UNC80: variants seen among roughly 807,000 people sequenced by gnomAD.
The protein encoded by UNC80 is unc-80 subunit of NALCN channel complex, also known as protein unc-80 homolog.
Under a neutral mutation model 384.6 loss-of-function variants are expected in UNC80, and 164 were observed. The ratio of observed to expected loss-of-function variants is 0.43; its 90% CI spans 0.38 to 0.49. The LOEUF is 0.49. UNC80 is among the 20% of genes least tolerant of loss of function. The pLI is 0.00. For synonymous variants in UNC80, 1,486 were observed against 1,527.8 expected, an observed-to-expected ratio of 0.97 and a Z score of 0.64; for missense variants, 3,330 against 4,143.0, an observed-to-expected ratio of 0.80 and a Z score of 5.39.
chr2:209,918,319 T>C (rs1314636298), intron 32 of UNC80, among the ~76,000 whole-genome samples: 1 of 152,192 alleles, frequency 6.6e-6, no homozygotes, highest in Non-Finnish European at 1.5e-5. Flanking sequence ...TGAAAGCCTT[T>C]AATGAATTAG....
At chr2:209,809,757 G>A (rs2079197409) in intron 7 of UNC80, among the ~76,000 whole-genome samples, 1 of 152,152 alleles carries the variant, frequency 6.6e-6, no homozygotes, top group Non-Finnish European at 1.5e-5. Flanking sequence ...CCATTTTCCG[G>A]TTCTGTTTCC....
chr2:209,817,994 T>C lies in UNC80; in HGVS notation c.1693+42T>C, dbSNP rs1478326495. Reference sequence around the variant, plus strand: ...GCCTACGGGCAGGAGTTCAGAGTTCTTTTTTTGTTTTCTGTCCTTACACCA... The same window carrying C: ...GCCTACGGGCAGGAGTTCAGAGTTCCTTTTTTGTTTTCTGTCCTTACACCA... On this transcript the variant is annotated intron_variant, in intron 11 of 64. Transcript: ENST00000673920. 6.5e-6 allele frequency: 10 copies of C among 1,545,058 alleles called. No homozygotes were observed. In the Middle Eastern group the frequency reaches 8.4e-4, roughly 130 times the overall value.
chr2:209,777,754 C>G (rs1318430247), intron 4 of UNC80, among the ~76,000 whole-genome samples, 195 bp downstream of exon 4: 1 of 152,192 alleles, frequency 6.6e-6, no homozygotes, highest in African/African-American at 2.4e-5. Context: ...CCTTTACCTA[C>G]TTAAAAATCT....
At chr2:209,779,016 C>T (rs1426207045) in intron 4 of UNC80, among the ~76,000 whole-genome samples, 2 of 152,186 alleles carry the variant, frequency 1.3e-5, no homozygotes, top group East Asian at 3.8e-4. Flanking sequence ...CAAAATGCAA[C>T]ACATACACTG....
At chr2:209,821,505 T>C (rs2080131168) in intron 13 of UNC80, among the ~76,000 whole-genome samples, 1 of 152,204 alleles carries the variant, frequency 6.6e-6, no homozygotes, top group Admixed American at 6.5e-5. Context: ...CAACCACAGT[T>C]AAGGGGAAAG....
At chr2:209,948,438 C>T (rs2092009040) in intron 47 of UNC80, among the ~76,000 whole-genome samples, 1 of 152,098 alleles carries the variant, frequency 6.6e-6, no homozygotes, top group African/African-American at 2.4e-5. Flanking sequence ...GGTTTGGAAG[C>T]TTTTCAGATA....
At chr2:209,887,376 A>G (rs559008904) in intron 25 of UNC80, among the ~76,000 whole-genome samples, 78 of 151,840 alleles carry the variant, frequency 5.1e-4, no homozygotes, top group African/African-American at 1.8e-3. Context: ...CATCTCTCTC[A>G]TCTTTCTTTC....
intron 42 of UNC80, 59 bp downstream of exon 42, chr2:209,937,689 G>A: frequency 6.8e-6 from 9 of 1,328,696 alleles, no homozygotes; most frequent in African/African-American, 1.5e-5. Flanking sequence ...GTAGATATCT[G>A]TTCATACTTT....
At chr2:209,979,203 C>T (rs956170595) in intron 59 of UNC80, among the ~76,000 whole-genome samples, 2 of 152,140 alleles carry the variant, frequency 1.3e-5, no homozygotes, top group South Asian at 4.1e-4. Flanking sequence ...GAGCCAAGAT[C>T]GCGCCAATGC....
intron 16 of UNC80, 39 bp downstream of exon 16, chr2:209,831,630 C>T (rs1461104861): frequency 6.8e-7 from 1 of 1,473,634 alleles, no homozygotes; most frequent in Non-Finnish European, 9.0e-7. Context: ...AGCTCTCAGT[C>T]TCTGCCCTGA....
At chr2:209,932,619 A>C (rs957536193) in intron 38 of UNC80, among the ~76,000 whole-genome samples, 2 of 152,214 alleles carry the variant, frequency 1.3e-5, no homozygotes, top group African/African-American at 4.8e-5. Context: ...TGATGCCCAG[A>C]TAGTTTTAAA....
chr2:209,790,096 T>C (rs1325494212), intron 6 of UNC80, among the ~76,000 whole-genome samples: 3 of 152,130 alleles, frequency 2.0e-5, no homozygotes, highest in African/African-American at 7.2e-5. Context: ...GGGTCAAGAC[T>C]AACCCACATA....
intron 5 of UNC80, among the ~76,000 whole-genome samples, chr2:209,788,650 TATAGA>T (rs145158026): frequency 0.017 from 2,525 of 149,070 alleles, 68 homozygotes; most frequent in African/African-American, 0.058. Flanking sequence ...TTAAAAAGCT[TATAGA>T]ATAAAGTTAT....
intron 56 of UNC80, among the ~76,000 whole-genome samples, chr2:209,974,057 C>T (rs62201602): frequency 0.046 from 6,951 of 152,230 alleles, 247 homozygotes; most frequent in Non-Finnish European, 0.065. Flanking sequence ...CCACTCTTGC[C>T]ATAGCGCTGA....
At position 209,880,958 on chromosome 2, in the gene UNC80, T is replaced by G; in HGVS notation, c.3977-3T>G. 6.4e-7 allele frequency: 1 copy of G among 1,551,740 alleles called. No individual in the cohort carries two copies. Among genetic ancestry groups the G allele is most frequent in the South Asian group, 1.2e-5 (1 of 83,940 alleles). ...CTTATGAAAGAACACTTTCATTTCC[T>G]AGGTACTGTGAACCCCTCTAAATGC... On this transcript the variant is annotated splice_polypyrimidine_tract_variant and splice_region_variant and intron_variant, in intron 24 of 64. Transcript: ENST00000673920.
chr2:209,786,443 T>C (rs2077431363), intron 5 of UNC80, among the ~76,000 whole-genome samples: 1 of 152,194 alleles, frequency 6.6e-6, no homozygotes, highest in Admixed American at 6.6e-5. Flanking sequence ...TTAAATATCA[T>C]ATTAATACTA....
chr2:209,855,847 A>G (rs1390806984), intron 22 of UNC80, among the ~76,000 whole-genome samples: 1 of 152,108 alleles, frequency 6.6e-6, no homozygotes, highest in Non-Finnish European at 1.5e-5. Flanking sequence ...CATGAATGGT[A>G]TTCATTTGTT....
intron 36 of UNC80, 118 bp from the exon 37 acceptor site, chr2:209,929,753 G>C: frequency 1.5e-6 from 1 of 685,654 alleles, no homozygotes. Context: ...AGAAAAAAGA[G>C]TTCACAGAGC....
At chr2:209,958,777 A>G (rs1254119277) in intron 49 of UNC80, among the ~76,000 whole-genome samples, 1 of 152,212 alleles carries the variant, frequency 6.6e-6, no homozygotes, top group Non-Finnish European at 1.5e-5. Context: ...CTGTCACTTA[A>G]GACAGAGCAC....
Sources: allele counts gnomAD v4.1 joint callset (sites outside exome capture counted in the v4.1 genomes callset), GRCh38; gene constraint gnomAD v4.1.1; transcripts MANE v1.5; gene names NCBI Gene and HGNC (gene_info 2026-07-23, HGNC 2026-07-21).